TAF3: variants seen among roughly 807,000 people sequenced by gnomAD.
TAF3 encodes transcription initiation factor TFIID subunit 3.
In TAF3, 7 loss-of-function variants were observed where a neutral mutation model predicts 80.6. That is an observed-to-expected ratio of 0.09 (90% CI 0.05 to 0.16). TAF3 has a LOEUF of 0.16. Ranked by LOEUF, TAF3 falls within the 10% of genes least tolerant of loss-of-function variation. The probability of loss-of-function intolerance (pLI) is 1.00; values close to 1 mark genes in which losing one functional copy is unlikely to be tolerated. For synonymous variants in TAF3, 444 were observed against 446.1 expected (o/e 1.00, Z 0.06); for missense variants, 921 against 1,140.2 (o/e 0.81, Z 2.77).
At chr10:7,827,087 C>T (rs1239895977) in intron 2 of TAF3, among the ~76,000 whole-genome samples, 3 of 152,140 alleles carry the variant, frequency 2.0e-5, no homozygotes, top group Non-Finnish European at 4.4e-5. Flanking sequence ...TCAAAAAAGC[C>T]TGTGAAAGTC....
chr10:7,956,668 G>C lies in TAF3; in HGVS notation c.410-7252G>C, dbSNP rs146049799. Among the ~76,000 whole-genome samples the C allele has an allele frequency of 1.2e-4, 19 of 152,266 alleles. No individual in the cohort carries two copies. In the East Asian group the frequency reaches 3.7e-3, roughly 29 times the overall value. On this transcript the variant is annotated intron_variant, in intron 2 of 6. Transcript: ENST00000344293. Reference sequence around the variant, plus strand: ...AAAGTGAATCTCTAGCTGTGGTGATGAATTTGTGCTGAGTCATTCATGATT... The same window carrying C: ...AAAGTGAATCTCTAGCTGTGGTGATCAATTTGTGCTGAGTCATTCATGATT...
At chr10:7,866,244 G>A (rs539198351) in intron 2 of TAF3, among the ~76,000 whole-genome samples, 1 of 152,200 alleles carries the variant, frequency 6.6e-6, no homozygotes, top group Non-Finnish European at 1.5e-5. Context: ...AGGCACGGGG[G>A]ATGGAGCAGT....
chr10:7,971,206 TTAA>T (rs1183827348), intron 3 of TAF3, among the ~76,000 whole-genome samples: 10 of 152,206 alleles, frequency 6.6e-5, no homozygotes, highest in African/African-American at 2.4e-4. Flanking sequence ...GACTCTCTGT[TTAA>T]TATTTTAAAT....
intron 3 of TAF3, among the ~76,000 whole-genome samples, chr10:7,971,103 A>T (rs1300997317): frequency 1.3e-5 from 2 of 152,164 alleles, no homozygotes; most frequent in Non-Finnish European, 2.9e-5. Context: ...TTCTGACTCT[A>T]CACTCTGAGC....
chr10:7,931,044 G>A (rs185166855), intron 2 of TAF3, among the ~76,000 whole-genome samples: 1 of 152,278 alleles, frequency 6.6e-6, no homozygotes, highest in Admixed American at 6.5e-5. Flanking sequence ...GTTGCCATCT[G>A]ATGCCAGTAA....
chr10:7,887,687 G>A (rs1023225589), intron 2 of TAF3, among the ~76,000 whole-genome samples: 4 of 152,036 alleles, frequency 2.6e-5, no homozygotes, highest in African/African-American at 9.7e-5. Flanking sequence ...TGAAGTCTGA[G>A]AACAAACCTC....
chr10:7,971,700 C>T (rs1326099217), intron 3 of TAF3, among the ~76,000 whole-genome samples: 2 of 152,028 alleles, frequency 1.3e-5, no homozygotes, highest in Admixed American at 1.3e-4. Context: ...ATAAATTTCC[C>T]CTTTAAATCT....
intron 4 of TAF3, among the ~76,000 whole-genome samples, chr10:8,007,031 T>C (rs1192389809): frequency 6.6e-6 from 1 of 152,190 alleles, no homozygotes; most frequent in Non-Finnish European, 1.5e-5. Context: ...GAGGTGAGGA[T>C]GGCCATATTC....
At chr10:7,936,584 A>T (rs1375115426) in intron 2 of TAF3, among the ~76,000 whole-genome samples, 1 of 151,522 alleles carries the variant, frequency 6.6e-6, no homozygotes, top group East Asian at 1.9e-4. Flanking sequence ...GAGGGTTCCC[A>T]TTCACCCACT....
At position 7,965,277 on chromosome 10, in the gene TAF3, G is replaced by T. The variant is rs1374251530; in HGVS notation, c.1767G>T (p.Lys589Asn). Reference sequence around the variant, plus strand: ...AAGAGGAAGAGGCAGATCCCTACAAGTTTAAAATCAAAGAATTTGAAGATG... The same window carrying T: ...AAGAGGAAGAGGCAGATCCCTACAATTTTAAAATCAAAGAATTTGAAGATG... ...FLKEEEADPY[K>N]FKIKEFEDVD... Residue 589 changes from lysine to asparagine, a missense_variant, in exon 3 of 7, where the codon AAG (lysine) becomes AAT (asparagine). Physicochemically the swap from Lys to Asn is moderately conservative, Grantham distance 94. Coordinates refer to ENST00000344293, the MANE Select transcript of TAF3 (RefSeq NM_031923.4). 6.2e-7 allele frequency: 1 copy of T among 1,607,714 alleles called. No homozygotes were observed. Among genetic ancestry groups the T allele is most frequent in the African/African-American group, 1.3e-5 (1 of 74,312 alleles).
intron 2 of TAF3, among the ~76,000 whole-genome samples, chr10:7,847,896 A>C (rs1398622309): frequency 6.6e-6 from 1 of 152,052 alleles, no homozygotes; most frequent in African/African-American, 2.4e-5. Context: ...GAGCCTCCCG[A>C]GTAGCTGAGA....
intron 2 of TAF3, among the ~76,000 whole-genome samples, chr10:7,906,847 A>G (rs1035572844): frequency 1.3e-5 from 2 of 151,110 alleles, no homozygotes; most frequent in African/African-American, 4.9e-5. Flanking sequence ...CCTCCCGAGA[A>G]GCTGGGACTG....
At position 8,009,333 on chromosome 10, in the gene TAF3, G is replaced by A. The variant is rs1413355024; in HGVS notation, c.2568+3G>A. 1 of 1,591,396 alleles carries A rather than the reference G, an allele frequency of 6.3e-7. No individual in the cohort carries two copies. Among genetic ancestry groups the A allele is most frequent in the Non-Finnish European group, 8.6e-7 (1 of 1,169,456 alleles). On this transcript the variant is annotated splice_donor_region_variant and intron_variant, in intron 5 of 6. Transcript: ENST00000344293. The surrounding 1 kb of genome is among the most constrained non-coding windows in gnomAD (Gnocchi z 4.1). Reference sequence around the variant, plus strand: ...CTGAGACGGTCAGCACCTACGTGGTGCGTACCTGCCGCCCGCGCGGTTAGC... The same window carrying A: ...CTGAGACGGTCAGCACCTACGTGGTACGTACCTGCCGCCCGCGCGGTTAGC...
chr10:7,997,756 C>T (rs758113568), intron 4 of TAF3, among the ~76,000 whole-genome samples: 31 of 151,840 alleles, frequency 2.0e-4, no homozygotes, highest in Admixed American at 9.2e-4. Context: ...AAGCTCTGGA[C>T]GAGAACTTAC....
At chr10:7,901,204 G>A (rs1423527473) in intron 2 of TAF3, among the ~76,000 whole-genome samples, 1 of 152,100 alleles carries the variant, frequency 6.6e-6, no homozygotes. Flanking sequence ...AAACTATAAT[G>A]CATATCCTTT....
intron 2 of TAF3, among the ~76,000 whole-genome samples, chr10:7,945,015 C>T (rs574382474): frequency 6.6e-6 from 1 of 152,272 alleles, no homozygotes; most frequent in South Asian, 2.1e-4. Flanking sequence ...GAAAACATAG[C>T]ATCGGACTAC....
intron 2 of TAF3, among the ~76,000 whole-genome samples, chr10:7,934,504 G>T (rs941332373): frequency 3.9e-5 from 6 of 152,062 alleles, no homozygotes; most frequent in African/African-American, 1.4e-4. Flanking sequence ...GAGTGCAGTG[G>T]CACGATCTCA....
intron 5 of TAF3, among the ~76,000 whole-genome samples, chr10:8,010,632 C>T (rs563582566): frequency 2.6e-5 from 4 of 152,318 alleles, no homozygotes; most frequent in East Asian, 3.9e-4. Context: ...ACCAGCTGGA[C>T]GCAGTGGCTT....
chr10:7,903,512 A>C (rs1837579449), intron 2 of TAF3, among the ~76,000 whole-genome samples: 1 of 152,196 alleles, frequency 6.6e-6, no homozygotes, highest in Admixed American at 6.5e-5. Flanking sequence ...ACGGTGTTTA[A>C]CTGTATTGTA....
Sources: gnomAD v4.1 joint callset for allele counts (sites outside exome capture counted in the v4.1 genomes callset) on GRCh38, gnomAD v4.1.1 for gene constraint, Gnocchi (gnomAD v3.1) non-coding constraint, MANE v1.5 for transcripts, NCBI Gene and HGNC (gene_info 2026-07-23, HGNC 2026-07-21) for gene names.